Variants in IQSEC1 observed in about 807,000 individuals in gnomAD.
IQSEC1 encodes IQ motif and SEC7 domain-containing protein 1.
Under a neutral mutation model 91.0 loss-of-function variants are expected in IQSEC1, and 31 were observed. That is an observed-to-expected ratio of 0.34 (90% CI 0.26 to 0.46). The LOEUF (loss-of-function observed/expected upper bound fraction) is 0.46. IQSEC1 is among the 20% of genes least tolerant of loss of function. The pLI, the probability that IQSEC1 is intolerant of heterozygous loss-of-function variation, is 1.00. For missense variants in IQSEC1, 1,388 were observed against 1,575.6 expected (o/e 0.88, Z 2.02); for synonymous variants, 699 against 662.6 (o/e 1.05, Z -0.84).
intron 1 of IQSEC1, among the ~76,000 whole-genome samples, chr3:13,057,024 T>A (rs1317072588): frequency 1.3e-5 from 2 of 152,132 alleles, no homozygotes; most frequent in Non-Finnish European, 2.9e-5. Context: ...TTATAGGATT[T>A]CTTTATGTGA....
At chr3:12,942,113 T>C (rs1040025889) in intron 1 of IQSEC1, among the ~76,000 whole-genome samples, 3 of 152,172 alleles carry the variant, frequency 2.0e-5, no homozygotes, top group Non-Finnish European at 4.4e-5. Flanking sequence ...ACCTTCCTCA[T>C]TGATTTTGCT....
In IQSEC1 at chr3:13,193,118, C is replaced by A. The variant is rs980034863; in HGVS notation, c.273-28985G>T. 6.6e-6 allele frequency among the ~76,000 whole-genome samples: 1 copy of A among 152,218 alleles called. No homozygotes were observed. Among genetic ancestry groups the A allele is most frequent in the Non-Finnish European group, 1.5e-5 (1 of 68,042 alleles). On this transcript the variant is annotated intron_variant, in intron 1 of 15. Transcript: ENST00000648114. This position sits in a 1 kb window ranked among gnomAD's most constrained non-coding sequence, Gnocchi z 4.2. Reference sequence around the variant, plus strand: ...GCAGCAGGGATGGGCAGTGTCTTTTCTCAGCCTTGTCCTACGAGCACAGGA... The same window carrying A: ...GCAGCAGGGATGGGCAGTGTCTTTTATCAGCCTTGTCCTACGAGCACAGGA...
intron 1 of IQSEC1, among the ~76,000 whole-genome samples, chr3:13,024,436 C>T (rs553136148): frequency 6.7e-6 from 1 of 150,002 alleles, no homozygotes; most frequent in Non-Finnish European, 1.5e-5. Flanking sequence ...TATCCACCCA[C>T]CCATCCACTC....
chr3:13,030,082 G>C (rs1437514460), intron 1 of IQSEC1, among the ~76,000 whole-genome samples: 2 of 152,138 alleles, frequency 1.3e-5, no homozygotes, highest in African/African-American at 4.8e-5. Context: ...AGGATTACAG[G>C]CGTGAGCCAT....
intron 1 of IQSEC1, among the ~76,000 whole-genome samples, chr3:13,041,221 C>G (rs937707765): frequency 6.7e-6 from 1 of 149,430 alleles, no homozygotes; most frequent in Non-Finnish European, 1.5e-5. Context: ...AGCCTGGGGG[C>G]GGGGGGTGGG....
chr3:12,934,147 G>A (rs957154832), intron 3 of IQSEC1, among the ~76,000 whole-genome samples: 4 of 152,336 alleles, frequency 2.6e-5, no homozygotes, highest in East Asian at 1.9e-4. Flanking sequence ...TGCTCCGGCC[G>A]TGGCCTGTGC....
chr3:13,086,158 G>A (rs756265020), intron 2 of IQSEC1, among the ~76,000 whole-genome samples: 6 of 152,224 alleles, frequency 3.9e-5, no homozygotes, highest in African/African-American at 7.2e-5. Context: ...TCTGATCACC[G>A]CTTGCCTGCT....
chr3:13,222,372 C>T (rs1248289908), intron 1 of IQSEC1, among the ~76,000 whole-genome samples: 2 of 152,300 alleles, frequency 1.3e-5, no homozygotes, highest in Admixed American at 6.5e-5. Flanking sequence ...TCATCTGTCA[C>T]GGACACTTTC....
At chr3:13,270,054 G>A (rs541453941) in intron 1 of IQSEC1, among the ~76,000 whole-genome samples, 1 of 152,306 alleles carries the variant, frequency 6.6e-6, no homozygotes, top group South Asian at 2.1e-4. Flanking sequence ...AGTCTCAGCT[G>A]AGCCCACCTC....
intron 1 of IQSEC1, among the ~76,000 whole-genome samples, chr3:13,007,394 G>A (rs1004986561): frequency 6.6e-6 from 1 of 152,218 alleles, no homozygotes; most frequent in Non-Finnish European, 1.5e-5. Context: ...AGCTGCCCCT[G>A]GGAGGAGGGC....
In IQSEC1 at chr3:12,901,518, G is replaced by T. The variant is rs746943683; in HGVS notation, c.2810C>A (p.Ser937Tyr). 2 of 1,548,338 alleles carry T rather than the reference G, an allele frequency of 1.3e-6. No individual in the cohort carries two copies. The highest frequency in any genetic ancestry group is 1.7e-6 in the Non-Finnish European group (2 of 1,146,038). Residue 937 changes from serine to tyrosine, a missense_variant, in exon 14 of 14, where the codon TCC becomes TAC. By Grantham distance (144) the Ser-to-Tyr change is moderately radical (BLOSUM62 -2). Transcript: ENST00000613206. Reference sequence around the variant, plus strand: ...GCGCATGTGAGGACTGCTAATGATGGACCCCTAAAAAGGAAATTCATAGAA... The same window carrying T: ...GCGCATGTGAGGACTGCTAATGATGTACCCCTAAAAAGGAAATTCATAGAA... ...AGSLESNVEG[S>Y]IISSPHMRRR...
At chr3:13,154,259 C>A (rs912135713) in intron 2 of IQSEC1, among the ~76,000 whole-genome samples, 1 of 150,148 alleles carries the variant, frequency 6.7e-6, no homozygotes, top group Admixed American at 6.6e-5. Context: ...GCAGGGTCAC[C>A]GCATGTTCAA....
rs936651213 is a variant in IQSEC1 at position 13,193,946 on chromosome 3, G to A, written c.273-29813C>T. 6.6e-6 allele frequency among the ~76,000 whole-genome samples: 1 copy of A among 152,202 alleles called. No individual in the cohort carries two copies. The highest frequency in any genetic ancestry group is 1.5e-5 in the Non-Finnish European group (1 of 68,044). On this transcript the variant is annotated intron_variant, in intron 1 of 15. Transcript: ENST00000648114. The surrounding 1 kb of genome is among the most constrained non-coding windows in gnomAD (Gnocchi z 4.2). ...CTCACAGCTCTGGAGCCTGGAATTCGGAAAGCAAGGCTTTGGTTGGCAAGG... is the reference window on the plus strand; with the variant it reads ...CTCACAGCTCTGGAGCCTGGAATTCAGAAAGCAAGGCTTTGGTTGGCAAGG...
At chr3:13,155,843 G>A (rs1707077702) in intron 2 of IQSEC1, among the ~76,000 whole-genome samples, 1 of 152,036 alleles carries the variant, frequency 6.6e-6, no homozygotes, top group Non-Finnish European at 1.5e-5. Flanking sequence ...ATGCATACCA[G>A]AATTAAGAGG....
chr3:12,935,591 T>A lies in IQSEC1; in HGVS notation c.1425A>T (p.Ser475=), dbSNP rs780052723. ...GCTCCCGCAGGCTGTCACGGGACGA[T>A]GACTCGGAGCTGCAGTTGATGGTAT... The part of the protein sequence containing the change: ...SNDTINCSSE[S]SSRDSLREQT... Residue 475 remains serine (S), a synonymous_variant, in exon 3 of 14, where the codon TCA becomes TCT. Transcript: ENST00000613206. The surrounding 1 kb of genome is among the most constrained non-coding windows in gnomAD (Gnocchi z 8.0). 1 of 1,614,014 alleles carries A rather than the reference T, an allele frequency of 6.2e-7. No individual in the cohort carries two copies. The highest frequency in any genetic ancestry group is 1.1e-5 in the South Asian group (1 of 91,092).
At chr3:13,078,348 C>G (rs1401911525), upstream of IQSEC1, among the ~76,000 whole-genome samples, 1 of 152,152 alleles carries the variant, frequency 6.6e-6, no homozygotes. Context: ...AATGGCAGGA[C>G]AGGATGGAGC....
intron 1 of IQSEC1, among the ~76,000 whole-genome samples, chr3:13,038,095 CT>C (rs1392615485): frequency 3.3e-5 from 5 of 151,226 alleles, no homozygotes; most frequent in Non-Finnish European, 7.4e-5. Context: ...GTAAAACCAT[CT>C]TTTGTTTTAG....
intron 2 of IQSEC1, among the ~76,000 whole-genome samples, chr3:13,136,773 G>A (rs1235561391): frequency 1.3e-5 from 2 of 152,204 alleles, no homozygotes; most frequent in Non-Finnish European, 2.9e-5. Flanking sequence ...CCCAGGGTTT[G>A]ACTGCATGTA....
At chr3:13,076,559 T>C (rs1322658328), upstream of IQSEC1, among the ~76,000 whole-genome samples, 1 of 152,094 alleles carries the variant, frequency 6.6e-6, no homozygotes, top group East Asian at 1.9e-4. Flanking sequence ...AGTCCACAGA[T>C]CTGACAGTCA....
Sources: allele counts gnomAD v4.1 joint callset (sites outside exome capture counted in the v4.1 genomes callset), GRCh38; gene constraint gnomAD v4.1.1; non-coding constraint Gnocchi (gnomAD v3.1); transcripts MANE v1.5; gene names NCBI Gene and HGNC (gene_info 2026-07-23, HGNC 2026-07-21).